Variants in RANGAP1 observed in about 807,000 individuals in gnomAD.
The protein encoded by RANGAP1 is ran GTPase-activating protein 1.
In RANGAP1, 38 loss-of-function variants were observed where a neutral mutation model predicts 63.5. The ratio of observed to expected loss-of-function variants is 0.60; its 90% CI spans 0.46 to 0.78. RANGAP1 has a LOEUF of 0.78. Ranked by LOEUF, RANGAP1 falls within the 30% of genes least tolerant of loss-of-function variation. The pLI, the probability that RANGAP1 is intolerant of heterozygous loss-of-function variation, is 0.00. For missense variants in RANGAP1, 630 were observed against 740.3 expected (o/e 0.85, Z 1.73); for synonymous variants, 329 against 310.5 (o/e 1.06, Z -0.63).
chr22:41,255,911 G>A (rs776545088), intron 10 of RANGAP1, 110 bp downstream of exon 10: 37 of 1,107,638 alleles, frequency 3.3e-5, no homozygotes, highest in East Asian at 1.0e-4. Flanking sequence ...CCGAGATCAC[G>A]CCACTGTACT....
upstream of RANGAP1, among the ~76,000 whole-genome samples, chr22:41,289,899 C>G (rs2035818137): frequency 6.6e-6 from 1 of 152,176 alleles, no homozygotes; most frequent in South Asian, 2.1e-4. Flanking sequence ...GTAATGCCAG[C>G]ACTGTGGGAG....
chr22:41,277,145 T>C (rs1255915677), intron 2 of RANGAP1, among the ~76,000 whole-genome samples: 1 of 136,578 alleles, frequency 7.3e-6, no homozygotes, highest in Non-Finnish European at 1.6e-5. Flanking sequence ...TGGCGGGATC[T>C]CGGCTCACTG....
chr22:41,256,767 A>T lies in RANGAP1; in HGVS notation c.832T>A (p.Ser278Thr). ...TCTGCAATGGCAACTGCACCCTTGG[A>T]GCGCACCAGGCAGTCCCCAAAATTA... is the stretch of plus-strand genomic sequence containing the variant. ...VINFGDCLVR[S>T]KGAVAIADAI... The change falls in exon 8 of 16, where the codon TCC becomes ACC. Residue 278 changes from serine (S) to threonine (T), a missense_variant. By Grantham distance (58) the Ser-to-Thr change is moderately conservative. This residue lies in a region of RANGAP1 where 428 missense variants were observed against 465.5 expected (regional missense o/e 0.92). Transcript: ENST00000356244. The T allele has an allele frequency of 6.2e-7, 1 of 1,614,112 alleles. No individual in the cohort carries two copies. Among genetic ancestry groups the T allele is most frequent in the African/African-American group, 1.3e-5 (1 of 75,046 alleles).
chr22:41,293,050 A>G, the RANGAP1 span, among the ~76,000 whole-genome samples: 1 of 151,930 alleles, frequency 6.6e-6, no homozygotes, highest in Non-Finnish European at 1.5e-5. Flanking sequence ...CCTGGCTAAC[A>G]TGGTGAAACC....
intron 5 of RANGAP1, among the ~76,000 whole-genome samples, chr22:41,263,882 G>A (rs548878220): frequency 6.6e-6 from 1 of 152,350 alleles, no homozygotes; most frequent in South Asian, 2.1e-4. Flanking sequence ...CTAGCTATGT[G>A]ATCCACTCCA....
upstream of RANGAP1, among the ~76,000 whole-genome samples, chr22:41,289,983 T>A (rs1341008332): frequency 5.9e-5 from 9 of 151,954 alleles, no homozygotes; most frequent in Non-Finnish European, 4.4e-5. Flanking sequence ...CTGTCTCTAC[T>A]AAAAACAATT....
chr22:41,294,082 A>C, the RANGAP1 span, among the ~76,000 whole-genome samples: 1 of 151,460 alleles, frequency 6.6e-6, no homozygotes, highest in African/African-American at 2.4e-5. Flanking sequence ...TCTCTTTCCA[A>C]GGTCTCCCTC....
At position 41,268,102 on chromosome 22, in the gene RANGAP1, C is replaced by A. The variant is rs750438908; in HGVS notation, c.295G>T (p.Ala99Ser). The stretch of plus-strand genomic sequence containing the variant: ...AGAGCGGCTAGTTCGCTTACCAGGG[C>A]TGGTGGGATCTCGGTCCGCAGCCTT... Reference protein sequence around the residue: ...TGRLRTEIPPALISLGEGLIT... With the variant: ...TGRLRTEIPPSLISLGEGLIT... The change falls in exon 4 of 16, where the codon GCC becomes TCC. Residue 99 changes from alanine to serine, a missense_variant. By Grantham distance (99) the Ala-to-Ser change is moderately conservative. Transcript: ENST00000356244. 6.4e-7 allele frequency: 1 copy of A among 1,554,108 alleles called. No homozygotes were observed. Among genetic ancestry groups the A allele is most frequent in the South Asian group, 1.2e-5 (1 of 84,326 alleles).
chr22:41,274,922 G>A (rs1210695583), intron 2 of RANGAP1, among the ~76,000 whole-genome samples, 195 bp from the exon 3 acceptor site: 2 of 152,088 alleles, frequency 1.3e-5, no homozygotes, highest in African/African-American at 2.4e-5. Flanking sequence ...TGTAATGAGT[G>A]TTAAAACCAG....
chr22:41,254,938 C>G (rs563597618), intron 10 of RANGAP1, among the ~76,000 whole-genome samples: 1 of 151,024 alleles, frequency 6.6e-6, no homozygotes, highest in Non-Finnish European at 1.5e-5. Flanking sequence ...TGCCACTGCA[C>G]TCTAGCCTGG....
chr22:41,273,195 G>C (rs2034937945), intron 3 of RANGAP1, among the ~76,000 whole-genome samples: 1 of 152,086 alleles, frequency 6.6e-6, no homozygotes, highest in Non-Finnish European at 1.5e-5. Flanking sequence ...AGCAGGCAAT[G>C]ACATGCAGAA....
At chr22:41,281,702 C>T in intron 1 of RANGAP1, 1 of 917,698 alleles carries the variant, frequency 1.1e-6, no homozygotes, top group Non-Finnish European at 1.3e-6. Flanking sequence ...ACAACAGCTA[C>T]CATCATAATA....
At chr22:41,258,282 G>T (rs1165901556) in intron 6 of RANGAP1, among the ~76,000 whole-genome samples, 176 bp from the exon 7 acceptor site, 1 of 152,234 alleles carries the variant, frequency 6.6e-6, no homozygotes, top group Non-Finnish European at 1.5e-5. Flanking sequence ...ACCTCCTGAG[G>T]GAGGCCTACT....
chr22:41,245,658 GAC>G lies in RANGAP1; in HGVS notation c.*943_*944del, dbSNP rs1019633987. ...TTGTGAAGCCCCCGGGCACAGCCCA[GAC>G]ACACACAGAGCACAAAGGGGAAAGC... On this transcript the variant is annotated 3_prime_UTR_variant, in exon 16 of 16. Coordinates refer to ENST00000356244, the MANE Select transcript of RANGAP1 (RefSeq NM_002883.4). The G allele has an allele frequency of 1.3e-5, 2 of 152,426 alleles. No homozygotes were observed. The highest frequency in any genetic ancestry group is 1.9e-4 in the East Asian group (1 of 5,206). 9.4% of individuals were successfully genotyped at this position (152,426 alleles called of 1,614,324 possible).
intron 2 of RANGAP1, among the ~76,000 whole-genome samples, chr22:41,278,157 C>T (rs546149852): frequency 4.1e-4 from 62 of 152,096 alleles, no homozygotes; most frequent in African/African-American, 1.5e-3. Flanking sequence ...CTGCCTCAGC[C>T]TCCGGAGAGT....
At chr22:41,278,711 A>C (rs963973688) in intron 2 of RANGAP1, among the ~76,000 whole-genome samples, 2 of 152,252 alleles carry the variant, frequency 1.3e-5, no homozygotes, top group East Asian at 3.8e-4. Context: ...AAACAGCAAC[A>C]TTCCAATCTA....
chr22:41,273,851 A>G (rs1189262425), intron 3 of RANGAP1, among the ~76,000 whole-genome samples: 2 of 148,428 alleles, frequency 1.3e-5, no homozygotes, highest in Non-Finnish European at 3.0e-5. Context: ...CGAGGCGGGC[A>G]GATCACAAGG....
intron 8 of RANGAP1, 74 bp downstream of exon 8, chr22:41,256,637 C>A: frequency 7.4e-7 from 1 of 1,351,772 alleles, no homozygotes; most frequent in South Asian, 1.2e-5. Flanking sequence ...GCCTTCAGAC[C>A]AGACCCCTGT....
intron 3 of RANGAP1, among the ~76,000 whole-genome samples, chr22:41,272,234 G>T (rs900892528): frequency 6.6e-6 from 1 of 152,070 alleles, no homozygotes; most frequent in African/African-American, 2.4e-5. Context: ...TCTCGGGGAG[G>T]GCTGAGTTCT....
Sources: allele counts gnomAD v4.1 joint callset (sites outside exome capture counted in the v4.1 genomes callset), GRCh38; gene constraint gnomAD v4.1.1; regional missense constraint gnomAD v4.1.1; transcripts MANE v1.5; gene names NCBI Gene and HGNC (gene_info 2026-07-23, HGNC 2026-07-21).